The following ORC5 variants were observed in gnomAD, a reference collection of about 807,000 sequenced individuals.
ORC5 encodes origin recognition complex subunit 5.
In ORC5, 39 loss-of-function variants were observed where a neutral mutation model predicts 58.8. The ratio of observed to expected loss-of-function variants is 0.66; its 90% CI spans 0.51 to 0.87. ORC5 has a LOEUF of 0.87. Ranked by LOEUF, ORC5 falls within the 40% of genes least tolerant of loss-of-function variation. ORC5 has a pLI of 0.00. For synonymous variants in ORC5, 218 were observed against 177.6 expected (o/e 1.23, Z -1.81); for missense variants, 493 against 506.3 (o/e 0.97, Z 0.25).
chr7:104,206,853 T>G (rs1454809101), intron 1 of ORC5, among the ~76,000 whole-genome samples: 1 of 152,232 alleles, frequency 6.6e-6, no homozygotes. Flanking sequence ...GTATTCAGTA[T>G]AGTAGCACCG....
In ORC5 at chr7:104,197,680, C is replaced by G. The variant is rs759437466; in HGVS notation, c.441+45G>C. ...AATGAAAAACTTTTACAACACAATC[C>G]ATTGATTAAGTTGTGGGGAGAAAGC... is the stretch of plus-strand genomic sequence containing the variant. On this transcript the variant is annotated intron_variant, in intron 4 of 13. Transcript: ENST00000297431. 4.0e-6 allele frequency: 5 copies of G among 1,243,636 alleles called. No homozygotes were observed. In the South Asian group the frequency reaches 6.8e-5, roughly 17 times the overall value. The allele number at this position is 1,243,636 out of a possible 1,614,324, so 77.0% of individuals were successfully genotyped here. A position where few individuals can be genotyped will look rare whatever the true frequency, so the allele number is the denominator to read the frequency against.
At position 104,188,235 on chromosome 7, in the gene ORC5, C is replaced by CA. The variant is rs1799593035; in HGVS notation, c.684+15dup. The CA allele has an allele frequency of 6.3e-7, 1 of 1,588,128 alleles. No homozygotes were observed. The highest frequency in any genetic ancestry group is 1.7e-5 in the Admixed American group (1 of 59,540). On this transcript the variant is annotated intron_variant, in intron 6 of 13. Transcript: ENST00000297431. ...ACACACACATATATATATATTCAAG[C>CA]AAAATGTTCATTTACCAGATGTCTG... is the stretch of plus-strand genomic sequence containing the variant.
At chr7:104,170,133 G>C (rs1188358834) in intron 8 of ORC5, among the ~76,000 whole-genome samples, 1 of 152,130 alleles carries the variant, frequency 6.6e-6, no homozygotes. Flanking sequence ...TCTTGAAATT[G>C]TTGATCCATT....
chr7:104,204,491 G>A (rs565096989), intron 1 of ORC5, among the ~76,000 whole-genome samples: 23 of 151,918 alleles, frequency 1.5e-4, no homozygotes, highest in South Asian at 2.1e-4. Flanking sequence ...TTTTATTATC[G>A]TACAGGTTTA....
intron 8 of ORC5, among the ~76,000 whole-genome samples, chr7:104,172,617 T>G (rs1378441282): frequency 6.6e-6 from 1 of 152,208 alleles, no homozygotes; most frequent in Non-Finnish European, 1.5e-5. Context: ...TATATTGATT[T>G]GTAATCTAGG....
chr7:104,207,967 G>A lies in ORC5; in HGVS notation c.-63C>T, dbSNP rs540706532. The A allele has an allele frequency of 4.7e-6, 7 of 1,477,680 alleles. No individual in the cohort carries two copies. The highest frequency in any genetic ancestry group is 3.5e-5 in the Admixed American group (2 of 57,842). 91.5% of individuals were successfully genotyped at this position (1,477,680 alleles called of 1,614,324 possible). ...CCACAGGACCCTTGCACAAGACGGA[G>A]CCTCTCCCGAGTCTGGCGGCCCACG... On this transcript the variant is annotated 5_prime_UTR_variant, in exon 1 of 14. Transcript: ENST00000297431.
chr7:104,142,088 A>G (rs1262422653), intron 12 of ORC5, among the ~76,000 whole-genome samples: 1 of 152,196 alleles, frequency 6.6e-6, no homozygotes, highest in East Asian at 1.9e-4. Flanking sequence ...AAAACCACAC[A>G]TATAAGGTCA....
chr7:104,198,966 G>A (rs1799866451), intron 3 of ORC5, among the ~76,000 whole-genome samples: 1 of 152,256 alleles, frequency 6.6e-6, no homozygotes. Context: ...GAGAGTGCAA[G>A]CCCCAAGCCT....
intron 12 of ORC5, among the ~76,000 whole-genome samples, chr7:104,144,276 AGTTT>A (rs1798719770): frequency 6.6e-6 from 1 of 152,250 alleles, no homozygotes; most frequent in African/African-American, 2.4e-5. Context: ...CAAACGTATT[AGTTT>A]ATTAACTTAC....
At position 104,204,293 on chromosome 7, in the gene ORC5, T is replaced by C. The variant is rs538535576; in HGVS notation, c.73-59A>G. 1.1e-4 allele frequency: 111 copies of C among 979,704 alleles called. 2 individuals carry two copies. In the South Asian group the frequency reaches 1.5e-3, roughly 14 times the overall value. The allele number at this position is 979,704 out of a possible 1,614,324, so 60.7% of individuals were successfully genotyped here. On this transcript the variant is annotated intron_variant, in intron 1 of 13. Coordinates refer to ENST00000297431, the MANE Select transcript of ORC5 (RefSeq NM_002553.4). ...ATACAAAATAGAAAATAAACACTTA[T>C]CAACTTGTGAGAAAGTTGTACGTGG...
At chr7:104,159,804 T>C (rs1798993966) in intron 12 of ORC5, among the ~76,000 whole-genome samples, 1 of 152,202 alleles carries the variant, frequency 6.6e-6, no homozygotes, top group Non-Finnish European at 1.5e-5. Flanking sequence ...CCATTGCTTA[T>C]AATAAAGACC....
At position 104,136,980 on chromosome 7, in the gene ORC5, T is replaced by C; in HGVS notation, c.1150-87A>G. Reference sequence around the variant, plus strand: ...GAAACATCTTATAGTCTGATAAAGATACATAACTGAATCACAAAAAACGTC... The same window carrying C: ...GAAACATCTTATAGTCTGATAAAGACACATAACTGAATCACAAAAAACGTC... On this transcript the variant is annotated intron_variant, in intron 12 of 13. Coordinates refer to ENST00000297431, the MANE Select transcript of ORC5 (RefSeq NM_002553.4). The surrounding 1 kb of genome is among the most constrained non-coding windows in gnomAD (Gnocchi z 4.2). 6 of 872,390 alleles carry C rather than the reference T, an allele frequency of 6.9e-6. No individual in the cohort carries two copies. Among genetic ancestry groups the C allele is most frequent in the East Asian group, 2.6e-5 (1 of 38,304 alleles). 54.0% of individuals were successfully genotyped at this position (872,390 alleles called of 1,614,324 possible). A position where few individuals can be genotyped will look rare whatever the true frequency, so the allele number is the denominator to read the frequency against.
chr7:104,174,059 T>C (rs1799271593), intron 8 of ORC5, among the ~76,000 whole-genome samples: 1 of 151,876 alleles, frequency 6.6e-6, no homozygotes, highest in African/African-American at 2.4e-5. Context: ...TTAGCCGGGA[T>C]GGTCTCGATC....
chr7:104,203,666 T>C (rs1800001663), intron 2 of ORC5, among the ~76,000 whole-genome samples: 1 of 152,222 alleles, frequency 6.6e-6, no homozygotes, highest in Admixed American at 6.5e-5. Context: ...CAGCCCAAAC[T>C]CTTAACCACT....
chr7:104,170,888 T>A (rs1281409273), intron 8 of ORC5, among the ~76,000 whole-genome samples: 1 of 152,220 alleles, frequency 6.6e-6, no homozygotes, highest in Non-Finnish European at 1.5e-5. Context: ...ATTTGTCACA[T>A]CCTACCTGAT....
Position 104,126,533 on chromosome 7 carries a change from T to G in ORC5, c.*315A>C. The stretch of plus-strand genomic sequence containing the variant: ...GGATAGTTCACAGAGCAAAATGTAG[T>G]CCTAAGTAAATGGGTTTCAGGCAAT... On this transcript the variant is annotated 3_prime_UTR_variant, in exon 14 of 14. Transcript: ENST00000297431. 1 of 248,372 alleles carries G rather than the reference T, an allele frequency of 4.0e-6. No individual in the cohort carries two copies. Among genetic ancestry groups the G allele is most frequent in the Non-Finnish European group, 7.7e-6 (1 of 130,560 alleles). The allele number at this position is 248,372 out of a possible 1,614,324, so 15.4% of individuals were successfully genotyped here. A position where few individuals can be genotyped will look rare whatever the true frequency, so the allele number is the denominator to read the frequency against.
rs1799015758 is a variant in ORC5 at position 104,161,144 on chromosome 7, T to C, written c.1077A>G (p.Leu359=). 1 of 1,610,638 alleles carries C rather than the reference T, an allele frequency of 6.2e-7. No individual in the cohort carries two copies. Among genetic ancestry groups the C allele is most frequent in the East Asian group, 2.2e-5 (1 of 44,768 alleles). ...TATATAATATTGCTAATAATCTGTC[T>C]AGTGGAAATGGTTTTGGCCCAAGGA... ...NHLLGPKPFP[L]DRLLAILYSI... Residue 359 remains leucine, a synonymous_variant, in exon 12 of 14, where the codon CTA becomes CTG. Transcript: ENST00000297431.
chr7:104,178,887 ATT>A (rs772832178), intron 8 of ORC5, among the ~76,000 whole-genome samples: 1 of 151,896 alleles, frequency 6.6e-6, no homozygotes, highest in East Asian at 1.9e-4. Context: ...CATAAGATGT[ATT>A]TTTAATGAGA....
rs573295720 is a variant in ORC5 at position 104,183,992 on chromosome 7, G to A, written c.775C>T (p.Pro259Ser). ...DTRKLWRNIE[P>S]HLKKAMQTVY... ...GTCTGCATAGCTTTCTTCAAATGAG[G>A]TTCAATATTTCTCCACAGTTTGCGA... The change falls in exon 8 of 14, where the codon CCT becomes TCT. Residue 259 changes from proline to serine, a missense_variant. Physicochemically the swap from Pro to Ser is moderately conservative, Grantham distance 74. Coordinates refer to ENST00000297431, the MANE Select transcript of ORC5 (RefSeq NM_002553.4). 5 of 1,613,564 alleles carry A rather than the reference G, an allele frequency of 3.1e-6. No homozygotes were observed. The highest frequency in any genetic ancestry group is 2.2e-5 in the East Asian group (1 of 44,832).
Sources: allele counts gnomAD v4.1 joint callset (sites outside exome capture counted in the v4.1 genomes callset), GRCh38; gene constraint gnomAD v4.1.1; non-coding constraint Gnocchi (gnomAD v3.1); transcripts MANE v1.5; gene names NCBI Gene and HGNC (gene_info 2026-07-23, HGNC 2026-07-21).